DLG2: variants seen among roughly 807,000 people sequenced by gnomAD.
The protein encoded by DLG2 is discs large MAGUK scaffold protein 2, also known as disks large homolog 2.
A neutral mutation model predicts 132.5 loss-of-function variants in DLG2; 45 were observed. That is an observed-to-expected ratio of 0.34 (90% CI 0.27 to 0.44). The LOEUF is 0.44. Among genes scored for constraint, DLG2 ranks in the 20% least tolerant of loss-of-function variants. DLG2 has a pLI of 1.00. For missense variants in DLG2, 1,045 were observed against 1,196.9 expected (o/e 0.87, Z 1.87); for synonymous variants, 424 against 419.6 (o/e 1.01, Z -0.13).
At chr11:84,864,289 C>T (rs1418490957) in intron 6 of DLG2, among the ~76,000 whole-genome samples, 3 of 152,128 alleles carry the variant, frequency 2.0e-5, no homozygotes, top group Non-Finnish European at 2.9e-5. Context: ...CAGATACTTG[C>T]AAAGAAGCCT....
chr11:84,194,886 C>G (rs1218130086), intron 8 of DLG2, among the ~76,000 whole-genome samples: 1 of 152,174 alleles, frequency 6.6e-6, no homozygotes, highest in Non-Finnish European at 1.5e-5. Flanking sequence ...GCCAGCTGCT[C>G]CAAGCGCGGG....
intron 7 of DLG2, among the ~76,000 whole-genome samples, chr11:84,459,594 A>G (rs1320714667): frequency 6.6e-6 from 1 of 150,636 alleles, no homozygotes; most frequent in Non-Finnish European, 1.5e-5. Flanking sequence ...GGGCTGCCCC[A>G]TAATTTTGCC....
chr11:85,429,776 C>T (rs997085676), intron 3 of DLG2, among the ~76,000 whole-genome samples: 2 of 152,176 alleles, frequency 1.3e-5, no homozygotes, highest in African/African-American at 4.8e-5. Context: ...TAAACTAGTT[C>T]AACCATTGTG....
At chr11:85,032,936 TTACCACATGTCC>T (rs1162709238) in intron 6 of DLG2, among the ~76,000 whole-genome samples, 1 of 152,156 alleles carries the variant, frequency 6.6e-6, no homozygotes, top group Admixed American at 6.5e-5. Context: ...AAAGCATCTG[TTACCACATGTCC>T]TACCAAACAT....
chr11:84,908,607 C>T (rs1445214027), intron 6 of DLG2, among the ~76,000 whole-genome samples: 1 of 151,832 alleles, frequency 6.6e-6, no homozygotes, highest in Non-Finnish European at 1.5e-5. Flanking sequence ...GTAACATTGC[C>T]CTTATTTAGA....
chr11:84,039,616 T>C (rs1384402230), intron 11 of DLG2, among the ~76,000 whole-genome samples: 2 of 54,472 alleles, frequency 3.7e-5, no homozygotes, highest in African/African-American at 1.0e-4. Flanking sequence ...ATCCAGTCTA[T>C]CATTGTTGGA....
At chr11:84,354,395 G>A (rs1379114975) in intron 7 of DLG2, among the ~76,000 whole-genome samples, 1 of 152,104 alleles carries the variant, frequency 6.6e-6, no homozygotes, top group Non-Finnish European at 1.5e-5. Context: ...CTACTTGCCT[G>A]CATATCGTCT....
At chr11:85,599,119 T>C (rs1160932515) in intron 2 of DLG2, among the ~76,000 whole-genome samples, 1 of 152,246 alleles carries the variant, frequency 6.6e-6, no homozygotes, top group Admixed American at 6.5e-5. Flanking sequence ...CAAAATAATA[T>C]CCAACTTCCT....
rs953987078 is a variant in DLG2 at position 84,600,265 on chromosome 11, A to T, written c.358-65534T>A. Among the ~76,000 whole-genome samples the T allele has an allele frequency of 2.6e-5, 4 of 152,122 alleles. No homozygotes were observed. The East Asian group carries it at 5.8e-4, about 22-fold the overall frequency. On this transcript the variant is annotated intron_variant, in intron 6 of 27. Transcript: ENST00000376104. ...AAAGCAAGCAAGCAAGCAGGCAGGC[A>T]GGCGGCAGGCCGGACACAGGGAGGA...
chr11:84,789,894 T>C (rs1320625045), intron 6 of DLG2, among the ~76,000 whole-genome samples: 2 of 152,188 alleles, frequency 1.3e-5, no homozygotes, highest in Non-Finnish European at 2.9e-5. Flanking sequence ...ATTCTATCCA[T>C]GTTATTTGAA....
chr11:83,541,899 G>T, intron 19 of DLG2, 41 bp from the exon 20 acceptor site: 1 of 1,536,780 alleles, frequency 6.5e-7, no homozygotes. Flanking sequence ...AGGAATCTCT[G>T]GCAGCACAGA....
intron 3 of DLG2, among the ~76,000 whole-genome samples, chr11:85,539,457 C>G (rs2075819371): frequency 6.6e-6 from 1 of 152,134 alleles, no homozygotes; most frequent in African/African-American, 2.4e-5. Flanking sequence ...ATTTCCTCCC[C>G]TATGACAGAA....
At chr11:85,070,942 T>G (rs1475882786) in intron 6 of DLG2, among the ~76,000 whole-genome samples, 1 of 151,872 alleles carries the variant, frequency 6.6e-6, no homozygotes, top group Non-Finnish European at 1.5e-5. Context: ...GAGTACAAAA[T>G]AGCAGTGAAG....
chr11:84,938,056 C>T (rs111830158), intron 6 of DLG2, among the ~76,000 whole-genome samples: 16 of 152,174 alleles, frequency 1.1e-4, no homozygotes, highest in Admixed American at 3.3e-4. Flanking sequence ...CCTTGAAATA[C>T]TGTGTGGCTT....
At chr11:84,884,888 T>G (rs1018353567) in intron 6 of DLG2, among the ~76,000 whole-genome samples, 4 of 152,116 alleles carry the variant, frequency 2.6e-5, no homozygotes, top group African/African-American at 9.7e-5. Flanking sequence ...TCATGTGCTA[T>G]CCCACTCTAT....
rs371057296 is a variant in DLG2, at chr11:84,442,401, C to T, written c.519+92169G>A. On this transcript the variant is annotated intron_variant, in intron 7 of 27. Coordinates refer to ENST00000376104, the MANE Select transcript of DLG2 (RefSeq NM_001142699.3). ...CAGGGACATGGATGAAGGTGGAAAC[C>T]ATCATTCTTAGCAAAGTAACACAGG... Among the ~76,000 whole-genome samples the T allele has an allele frequency of 2.0e-5, 3 of 151,902 alleles. No individual in the cohort carries two copies. The East Asian group carries it at 5.8e-4, about 29-fold the overall frequency.
At chr11:85,132,418 ATATGT>A (rs1424972064) in intron 5 of DLG2, among the ~76,000 whole-genome samples, 1 of 152,148 alleles carries the variant, frequency 6.6e-6, no homozygotes, top group Admixed American at 6.6e-5. Flanking sequence ...GACTGCCCTG[ATATGT>A]TAAGTTAAAC....
intron 6 of DLG2, among the ~76,000 whole-genome samples, chr11:84,945,340 T>C (rs1175161755): frequency 6.6e-6 from 1 of 152,182 alleles, no homozygotes. Flanking sequence ...TGTTCTTGAG[T>C]GAGATCCAGG....
intron 18 of DLG2, among the ~76,000 whole-genome samples, chr11:83,774,463 G>C (rs2094511080): frequency 6.6e-6 from 1 of 152,192 alleles, no homozygotes; most frequent in African/African-American, 2.4e-5. Flanking sequence ...TACAGATAAA[G>C]AATGAGACTC....
Sources: gnomAD v4.1 joint callset for allele counts (sites outside exome capture counted in the v4.1 genomes callset) on GRCh38, gnomAD v4.1.1 for gene constraint, MANE v1.5 for transcripts, NCBI Gene and HGNC (gene_info 2026-07-23, HGNC 2026-07-21) for gene names.